The following DISP1 variants were observed in gnomAD, a reference collection of about 807,000 sequenced individuals.
DISP1 encodes the protein protein dispatched homolog 1.
In DISP1, 30 loss-of-function variants were observed where a neutral mutation model predicts 37.3. That is an observed-to-expected ratio of 0.80 (90% CI 0.60 to 1.09). DISP1 has a LOEUF of 1.09. DISP1 is among the 50% of genes least tolerant of loss of function. The pLI, the probability that DISP1 is intolerant of heterozygous loss-of-function variation, is 0.00. For missense variants in DISP1, 1,598 were observed against 1,879.5 expected, an observed-to-expected ratio of 0.85 and a Z score of 2.77; for synonymous variants, 634 against 690.2, an observed-to-expected ratio of 0.92 and a Z score of 1.28.
intron 1 of DISP1, among the ~76,000 whole-genome samples, chr1:222,871,203 A>G (rs1043784537): frequency 3.9e-5 from 6 of 152,160 alleles, no homozygotes; most frequent in Admixed American, 6.6e-5. Flanking sequence ...GCCTTGTAGT[A>G]TAGTTTGAAG....
intron 1 of DISP1, among the ~76,000 whole-genome samples, chr1:222,907,913 C>T (rs2125415597): frequency 6.6e-6 from 1 of 152,276 alleles, no homozygotes; most frequent in East Asian, 1.9e-4. Flanking sequence ...TGTGCCATTG[C>T]ACTCCAGCTT....
intron 1 of DISP1, among the ~76,000 whole-genome samples, chr1:222,844,689 TAGTG>T (rs1375999988): frequency 6.6e-6 from 1 of 152,120 alleles, no homozygotes; most frequent in Non-Finnish European, 1.5e-5. Flanking sequence ...AGCTGTTTCT[TAGTG>T]AGACATTGAG....
chr1:222,966,784 C>G (rs184855268), intron 3 of DISP1, among the ~76,000 whole-genome samples: 235 of 152,220 alleles, frequency 1.5e-3, no homozygotes, highest in Non-Finnish European at 2.5e-3. Flanking sequence ...AAACTCTACA[C>G]TTTAACTTAG....
rs147209076 is a variant in DISP1, at chr1:222,999,720, T to G, written c.988-2665T>G. 5.5e-3 allele frequency among the ~76,000 whole-genome samples: 844 copies of G among 152,294 alleles called. 8 individuals carry two copies. Among genetic ancestry groups the G allele is most frequent in the African/African-American group, 0.019 (798 of 41,576 alleles). On this transcript the variant is annotated intron_variant, in intron 8 of 8. Transcript: ENST00000675850. ...AATGGATGAATAGATCCAGAACATA[T>G]GACCTTACTCCCTAAAAGTACAGAC... is the stretch of plus-strand genomic sequence containing the variant.
chr1:222,864,218 G>C (rs116177201), intron 1 of DISP1, among the ~76,000 whole-genome samples: 136 of 152,208 alleles, frequency 8.9e-4, no homozygotes, highest in African/African-American at 3.1e-3. Context: ...GAGAAACCTG[G>C]CTCCATGGTA....
At chr1:222,940,480 G>T (rs1255200444) in intron 2 of DISP1, among the ~76,000 whole-genome samples, 1 of 152,044 alleles carries the variant, frequency 6.6e-6, no homozygotes, top group Admixed American at 6.5e-5. Context: ...ATGAGATTTG[G>T]GCAGGACACA....
At chr1:222,840,702 A>G (rs974957970) in intron 1 of DISP1, among the ~76,000 whole-genome samples, 5 of 150,962 alleles carry the variant, frequency 3.3e-5, no homozygotes, top group African/African-American at 1.2e-4. Flanking sequence ...AGCTGGGACT[A>G]CAGGTGCCCG....
Position 222,894,185 on chromosome 1 carries a change from A to G in DISP1, c.-158-34245A>G, listed in dbSNP as rs530859935. ...AGTTCTCACTCCCGGTGCAGACTTC[A>G]CCTAGAACTGACAGCCCGGTCCCCA... On this transcript the variant is annotated intron_variant, in intron 1 of 8. Transcript: ENST00000675850. 2.5e-3 allele frequency among the ~76,000 whole-genome samples: 380 copies of G among 152,236 alleles called. 3 individuals are homozygous for G. Among genetic ancestry groups the G allele is most frequent in the African/African-American group, 8.9e-3 (371 of 41,540 alleles).
At chr1:222,902,694 G>A (rs1240403115) in intron 1 of DISP1, among the ~76,000 whole-genome samples, 7 of 152,058 alleles carry the variant, frequency 4.6e-5, no homozygotes, top group Non-Finnish European at 7.4e-5. Flanking sequence ...AAAAACACAT[G>A]AAAAAATGCT....
At chr1:222,932,740 C>T (rs535114843) in intron 2 of DISP1, among the ~76,000 whole-genome samples, 3 of 151,992 alleles carry the variant, frequency 2.0e-5, no homozygotes, top group South Asian at 4.1e-4. Flanking sequence ...ACTTATAACA[C>T]GAGTGTGGAG....
At chr1:222,905,206 T>A (rs1476153562) in intron 1 of DISP1, among the ~76,000 whole-genome samples, 4 of 152,202 alleles carry the variant, frequency 2.6e-5, no homozygotes, top group Non-Finnish European at 5.9e-5. Flanking sequence ...ATTTAAGAAA[T>A]ATTTCTTCCC....
rs191290309 is a variant in DISP1 at position 223,004,267 on chromosome 1, C to T, written c.2870C>T (p.Ser957Leu). ...TCGTGGATATCCAGTGAGCTGAGTTCGGCCCCTGAAGGCCTCAGCAATGGT... is the reference window on the plus strand; with the variant it reads ...TCGTGGATATCCAGTGAGCTGAGTTTGGCCCCTGAAGGCCTCAGCAATGGT... ...VDSWISSELS[S>L]APEGLSNGWF... The change falls in exon 9 of 9, where the codon TCG (serine) becomes TTG (leucine). Residue 957 changes from serine (S) to leucine (L), a missense_variant. Transcript: ENST00000675850. This position sits in a 1 kb window ranked among gnomAD's most constrained non-coding sequence, Gnocchi z 4.9. 58 of 1,614,070 alleles carry T rather than the reference C, an allele frequency of 3.6e-5. No homozygotes were observed. Among genetic ancestry groups the T allele is most frequent in the East Asian group, 2.0e-4 (9 of 44,876 alleles).
chr1:222,953,866 T>C (rs1261816755), intron 3 of DISP1, among the ~76,000 whole-genome samples: 3 of 152,170 alleles, frequency 2.0e-5, no homozygotes, highest in African/African-American at 7.2e-5. Context: ...ACATTGTACA[T>C]TCTGTAATAC....
intron 1 of DISP1, among the ~76,000 whole-genome samples, chr1:222,924,902 G>A (rs986112320): frequency 2.0e-5 from 3 of 152,068 alleles, no homozygotes; most frequent in Non-Finnish European, 4.4e-5. Flanking sequence ...CTCTCCTGCA[G>A]GCTCTAGTCT....
chr1:222,942,321 T>C (rs757070311), intron 2 of DISP1, among the ~76,000 whole-genome samples: 32 of 152,288 alleles, frequency 2.1e-4, no homozygotes, highest in Non-Finnish European at 3.7e-4. Context: ...TTTTCTAAGA[T>C]ACAAAACATT....
At chr1:222,850,974 G>A (rs2125308826) in intron 1 of DISP1, among the ~76,000 whole-genome samples, 1 of 152,024 alleles carries the variant, frequency 6.6e-6, no homozygotes, top group African/African-American at 2.4e-5. Context: ...TCTGCCACAG[G>A]GGCTGTTAAC....
At position 222,917,027 on chromosome 1, in the gene DISP1, T is replaced by A. The variant is rs1672531275; in HGVS notation, c.-158-11403T>A. 2.0e-5 allele frequency among the ~76,000 whole-genome samples: 3 copies of A among 152,264 alleles called. No homozygotes were observed. The South Asian group carries it at 6.2e-4, about 32-fold the overall frequency. On this transcript the variant is annotated intron_variant, in intron 1 of 8. Transcript: ENST00000675850. ...AGTGTTTCTTGTGATTAGGCACATT[T>A]GAAGCCTGTTAGCAATAATGTGAAC...
rs567316397 is a variant in DISP1, at chr1:222,905,630, A to T, written c.-158-22800A>T. On this transcript the variant is annotated intron_variant, in intron 1 of 8. Transcript: ENST00000675850. ...TGCCTACTCTTTTAGTACCAGACTG[A>T]GTTTCCATTAAACTTTATTGCACTT... Among the ~76,000 whole-genome samples the T allele has an allele frequency of 3.9e-5, 6 of 152,264 alleles. No homozygotes were observed. The East Asian group carries it at 9.6e-4, about 24-fold the overall frequency.
chr1:222,835,016 A>G (rs1441841441), intron 1 of DISP1: 1 of 152,206 alleles, frequency 6.6e-6, no homozygotes, highest in Non-Finnish European at 1.5e-5. Flanking sequence ...ATCATTTGAC[A>G]GTAAGTACTA....
Sources: gnomAD v4.1 joint callset for allele counts (sites outside exome capture counted in the v4.1 genomes callset) on GRCh38, gnomAD v4.1.1 for gene constraint, Gnocchi (gnomAD v3.1) non-coding constraint, MANE v1.5 for transcripts, NCBI Gene and HGNC (gene_info 2026-07-23, HGNC 2026-07-21) for gene names.